Variants in THRB observed in about 807,000 individuals in gnomAD.
THRB encodes the protein nuclear receptor subfamily 1 group A member 2.
A neutral mutation model predicts 47.8 loss-of-function variants in THRB; 12 were observed. The observed-to-expected ratio is 0.25, with a 90% CI of 0.16 to 0.41. THRB has a LOEUF of 0.41. Ranked by LOEUF, THRB falls within the 10% of genes least tolerant of loss-of-function variation. THRB has a pLI of 1.00. For missense variants in THRB, 348 were observed against 589.2 expected, an observed-to-expected ratio of 0.59 and a Z score of 4.24; for synonymous variants, 218 against 212.2, an observed-to-expected ratio of 1.03 and a Z score of -0.24.
intron 2 of THRB, among the ~76,000 whole-genome samples, chr3:24,313,053 G>C (rs1310570493): frequency 1.3e-5 from 2 of 152,140 alleles, no homozygotes; most frequent in African/African-American, 4.8e-5. Flanking sequence ...TTTGGATTTG[G>C]GGGTGAGGGA....
At chr3:24,382,249 C>T (rs952457224) in intron 1 of THRB, among the ~76,000 whole-genome samples, 1 of 151,810 alleles carries the variant, frequency 6.6e-6, no homozygotes, top group Non-Finnish European at 1.5e-5. Context: ...AAATACAAAG[C>T]GTCATTAGGA....
chr3:24,445,537 C>G (rs2071985242), intron 1 of THRB, among the ~76,000 whole-genome samples: 1 of 151,942 alleles, frequency 6.6e-6, no homozygotes, highest in Admixed American at 6.6e-5. Flanking sequence ...GATAAATGGG[C>G]AAAGAACACA....
chr3:24,253,839 A>G (rs903177399), intron 3 of THRB, among the ~76,000 whole-genome samples: 1 of 152,142 alleles, frequency 6.6e-6, no homozygotes, highest in African/African-American at 2.4e-5. Flanking sequence ...GTTTGAAAAC[A>G]AACACAGCAG....
At chr3:24,248,674 C>T (rs148122404) in intron 3 of THRB, among the ~76,000 whole-genome samples, 1 of 152,266 alleles carries the variant, frequency 6.6e-6, no homozygotes, top group African/African-American at 2.4e-5. Flanking sequence ...GAGCATCCTC[C>T]AGTAGTCACT....
At chr3:24,366,333 G>T (rs908542539) in intron 1 of THRB, among the ~76,000 whole-genome samples, 1 of 152,088 alleles carries the variant, frequency 6.6e-6, no homozygotes, top group African/African-American at 2.4e-5. Context: ...CTAGAAAGGG[G>T]TGAATCCTAG....
chr3:24,421,998 T>C (rs1325592722), intron 1 of THRB, among the ~76,000 whole-genome samples: 1 of 151,976 alleles, frequency 6.6e-6, no homozygotes, highest in African/African-American at 2.4e-5. Context: ...TCAACAAGAA[T>C]GTGGTTAAAG....
chr3:24,340,924 T>C (rs1048339727), intron 1 of THRB, among the ~76,000 whole-genome samples: 1 of 152,196 alleles, frequency 6.6e-6, no homozygotes, highest in Non-Finnish European at 1.5e-5. Flanking sequence ...ACATTATTTG[T>C]ATTTCTTATT....
chr3:24,376,739 A>G (rs927358801), intron 1 of THRB, among the ~76,000 whole-genome samples: 2 of 152,138 alleles, frequency 1.3e-5, no homozygotes, highest in Non-Finnish European at 1.5e-5. Context: ...GGCCTCCACT[A>G]TTTCCAGCTG....
chr3:24,312,767 G>T (rs903029969), intron 2 of THRB, among the ~76,000 whole-genome samples: 7 of 152,328 alleles, frequency 4.6e-5, no homozygotes, highest in African/African-American at 1.4e-4. Flanking sequence ...CACAGGGCCT[G>T]GTAGGCCATG....
chr3:24,386,936 T>C (rs763814629), intron 1 of THRB, among the ~76,000 whole-genome samples: 1 of 152,144 alleles, frequency 6.6e-6, no homozygotes, highest in Non-Finnish European at 1.5e-5. Context: ...TTTGTACTTA[T>C]TAGGCATTCA....
chr3:24,311,400 T>A (rs751412816), intron 2 of THRB, among the ~76,000 whole-genome samples: 1 of 152,206 alleles, frequency 6.6e-6, no homozygotes, highest in Non-Finnish European at 1.5e-5. Context: ...TGGTTCTCTA[T>A]GATGCCCTCT....
chr3:24,489,090 C>T (rs1314980427), intron 1 of THRB, among the ~76,000 whole-genome samples: 1 of 151,864 alleles, frequency 6.6e-6, no homozygotes, highest in South Asian at 2.1e-4. Context: ...CCTGTCCCTA[C>T]TAAAATTACA....
chr3:24,244,684 G>A (rs1350864052), intron 3 of THRB, among the ~76,000 whole-genome samples: 1 of 152,206 alleles, frequency 6.6e-6, no homozygotes, highest in Non-Finnish European at 1.5e-5. Context: ...AGTACCATCT[G>A]CTGATGGGCA....
At chr3:24,402,201 T>A (rs574347590) in intron 1 of THRB, among the ~76,000 whole-genome samples, 1 of 152,218 alleles carries the variant, frequency 6.6e-6, no homozygotes, top group South Asian at 2.1e-4. Context: ...CCCCAGCCAC[T>A]GTTTGATTCT....
At chr3:24,171,440 TTA>T (rs533589233) in intron 5 of THRB, among the ~76,000 whole-genome samples, 173 of 152,290 alleles carry the variant, frequency 1.1e-3, no homozygotes, top group African/African-American at 3.9e-3. Flanking sequence ...GAGACCTGTT[TTA>T]TGTTTTCTTA....
intron 1 of THRB, among the ~76,000 whole-genome samples, chr3:24,441,332 T>C (rs544239695): frequency 2.0e-5 from 3 of 152,266 alleles, no homozygotes; most frequent in Non-Finnish European, 2.9e-5. Flanking sequence ...GTGTACACGA[T>C]TGGGTAGGAA....
intron 1 of THRB, among the ~76,000 whole-genome samples, chr3:24,400,209 G>T (rs1340650217): frequency 2.6e-5 from 4 of 152,022 alleles, no homozygotes; most frequent in Non-Finnish European, 2.9e-5. Flanking sequence ...AAGATAATTT[G>T]AACTTCAATA....
At chr3:24,329,406 G>C (rs1309927662) in intron 2 of THRB, among the ~76,000 whole-genome samples, 1 of 151,846 alleles carries the variant, frequency 6.6e-6, no homozygotes, top group Non-Finnish European at 1.5e-5. Context: ...TATCTTCCAG[G>C]AAGCCTTGCC....
chr3:24,289,820 A>G (rs1054459711), intron 3 of THRB, among the ~76,000 whole-genome samples: 1 of 152,182 alleles, frequency 6.6e-6, no homozygotes, highest in Non-Finnish European at 1.5e-5. Context: ...ATGACTAAAA[A>G]TTCATTATAT....
Sources: gnomAD v4.1 joint callset for allele counts (sites outside exome capture counted in the v4.1 genomes callset) on GRCh38, gnomAD v4.1.1 for gene constraint, MANE v1.5 for transcripts, NCBI Gene and HGNC (gene_info 2026-07-23, HGNC 2026-07-21) for gene names.